Variants in RPGRIP1L observed in about 807,000 individuals in gnomAD.
The protein encoded by RPGRIP1L is protein fantom.
In RPGRIP1L, 131 loss-of-function variants were observed where a neutral mutation model predicts 160.4. The observed-to-expected ratio is 0.82, with a 90% CI of 0.71 to 0.94. RPGRIP1L has a LOEUF of 0.94. RPGRIP1L is among the 40% of genes least tolerant of loss of function. The probability of loss-of-function intolerance (pLI) is 0.00; values close to 1 mark genes in which losing one functional copy is unlikely to be tolerated. For synonymous variants in RPGRIP1L, 510 were observed against 515.8 expected (o/e 0.99, Z 0.15); for missense variants, 1,522 against 1,535.8 (o/e 0.99, Z 0.15).
intron 17 of RPGRIP1L, among the ~76,000 whole-genome samples, chr16:53,644,064 T>C (rs1966403803): frequency 1.3e-5 from 2 of 152,178 alleles, no homozygotes; most frequent in Admixed American, 1.3e-4. Flanking sequence ...TGCGGTAGCA[T>C]GTGCCTGTAG....
chr16:53,655,834 G>A (rs940312347), intron 14 of RPGRIP1L, among the ~76,000 whole-genome samples: 1 of 152,126 alleles, frequency 6.6e-6, no homozygotes, highest in Non-Finnish European at 1.5e-5. Flanking sequence ...TCAAGTAGAG[G>A]GATCGCTAGG....
intron 17 of RPGRIP1L, among the ~76,000 whole-genome samples, chr16:53,642,433 G>GAA (rs553105963): frequency 7.2e-6 from 1 of 139,122 alleles, no homozygotes. Flanking sequence ...TGGCTGGCTG[G>GAA]AAAAAAAAAA....
At chr16:53,604,538 T>C (rs746847997) in intron 26 of RPGRIP1L, among the ~76,000 whole-genome samples, 2 of 152,180 alleles carry the variant, frequency 1.3e-5, no homozygotes, top group African/African-American at 4.8e-5. Flanking sequence ...TTTAGCACGT[T>C]CTAAATACAG....
intron 9 of RPGRIP1L, among the ~76,000 whole-genome samples, chr16:53,667,639 G>A (rs1326826733): frequency 2.0e-5 from 3 of 152,098 alleles, no homozygotes; most frequent in African/African-American, 7.2e-5. Flanking sequence ...TTGGGAGGCC[G>A]AGGTGGGCAG....
intron 3 of RPGRIP1L, chr16:53,695,779 C>T (rs1480374923): frequency 5.9e-6 from 2 of 338,620 alleles, no homozygotes; most frequent in Non-Finnish European, 1.1e-5. Flanking sequence ...TGCATTCTAA[C>T]AAGTTAGAAT....
chr16:53,670,130 T>G (rs1968588097), intron 9 of RPGRIP1L, among the ~76,000 whole-genome samples: 1 of 152,120 alleles, frequency 6.6e-6, no homozygotes, highest in Non-Finnish European at 1.5e-5. Flanking sequence ...TAGTCCCAAG[T>G]AGGTAAATAA....
At chr16:53,690,817 G>T (rs1440799814) in intron 4 of RPGRIP1L, among the ~76,000 whole-genome samples, 1 of 152,124 alleles carries the variant, frequency 6.6e-6, no homozygotes, top group East Asian at 1.9e-4. Flanking sequence ...TATAGATGGG[G>T]AAAATGAGGC....
chr16:53,625,476 G>GGT (rs1172174960), intron 22 of RPGRIP1L, among the ~76,000 whole-genome samples: 2 of 58,622 alleles, frequency 3.4e-5, no homozygotes, highest in Non-Finnish European at 6.1e-5. Flanking sequence ...TCTGGGGGCT[G>GGT]GGGGGGGCGC....
chr16:53,652,903 T>A lies in RPGRIP1L; in HGVS notation c.1784A>T (p.Asp595Val). 1 of 1,613,056 alleles carries A rather than the reference T, an allele frequency of 6.2e-7. No homozygotes were observed. Among genetic ancestry groups the A allele is most frequent in the Admixed American group, 1.7e-5 (1 of 59,820 alleles). The change falls in exon 15 of 27, where the codon GAT (aspartate) becomes GTT (valine). Residue 595 changes from aspartate (D) to valine (V), a missense_variant. Asp to Val is a radical substitution (Grantham distance 152). Coordinates refer to ENST00000647211, the MANE Select transcript of RPGRIP1L (RefSeq NM_015272.5). ...GCCTCGTTCTAAGTGGATGGTTTCATCAAATTCATCAACAGAGTCATCTGG... is the reference window on the plus strand; with the variant it reads ...GCCTCGTTCTAAGTGGATGGTTTCAACAAATTCATCAACAGAGTCATCTGG... ...IMPDDSVDEF[D>V]ETIHLERGEN... is the part of the protein sequence containing the mutation.
intron 2 of RPGRIP1L, among the ~76,000 whole-genome samples, chr16:53,700,114 C>T (rs1001054723): frequency 1.3e-5 from 2 of 152,140 alleles, no homozygotes; most frequent in African/African-American, 4.8e-5. Flanking sequence ...TAAAGTAGTG[C>T]TTTTCTTTCT....
chr16:53,625,487 G>A lies in RPGRIP1L; in HGVS notation c.3295-3131C>T, dbSNP rs1965064738. 4.1e-5 allele frequency among the ~76,000 whole-genome samples: 6 copies of A among 146,576 alleles called. No homozygotes were observed. In the South Asian group the frequency reaches 1.1e-3, roughly 27 times the overall value. On this transcript the variant is annotated intron_variant, in intron 22 of 26. Transcript: ENST00000647211. ...CCCATCTGGGGGCTGGGGGGGGCGC[G>A]CCTCCGCCCAGCGGCCGCCCCGTCT...
At chr16:53,655,677 G>C (rs879712546) in intron 14 of RPGRIP1L, 4 of 152,170 alleles carry the variant, frequency 2.6e-5, no homozygotes, top group Non-Finnish European at 5.9e-5. Flanking sequence ...ACCTCCATCT[G>C]AATAGCTTGC....
Position 53,619,025 on chromosome 16 carries a change from C to A in RPGRIP1L, c.3616G>T (p.Val1206Leu), listed in dbSNP as rs1329201140. 3 of 1,608,180 alleles carry A rather than the reference C, an allele frequency of 1.9e-6. No individual in the cohort carries two copies. Among genetic ancestry groups the A allele is most frequent in the Non-Finnish European group, 1.7e-6 (2 of 1,174,768 alleles). ...TATATTACAAATGAATCATACATAC[C>A]ATTGCTATAGTTATAGTAGACCCAC... ...GQWVYYNYSNVIYVDKENNKA... is the reference protein window; with the variant it reads ...GQWVYYNYSNLIYVDKENNKA... Residue 1206 changes from valine (V) to leucine (L), a missense_variant and splice_region_variant, in exon 24 of 27, where the codon GTG becomes TTG. Val to Leu is a conservative substitution (Grantham distance 32). Transcript: ENST00000647211.
chr16:53,703,056 G>A (rs1971601312), intron 1 of RPGRIP1L, among the ~76,000 whole-genome samples: 1 of 152,112 alleles, frequency 6.6e-6, no homozygotes, highest in Admixed American at 6.5e-5. Flanking sequence ...CTGACTTCAG[G>A]CCAGGAGTTC....
Position 53,603,816 on chromosome 16 carries a change from T to G in RPGRIP1L, c.3836-1628A>C, listed in dbSNP as rs924542681. Reference sequence around the variant, plus strand: ...GAAAATGGCATGAGTGGTCCCCAGCTCATTCCCTGGAGCTGTCATCTCTGC... The same window carrying G: ...GAAAATGGCATGAGTGGTCCCCAGCGCATTCCCTGGAGCTGTCATCTCTGC... On this transcript the variant is annotated intron_variant, in intron 26 of 26. Transcript: ENST00000647211. Among the ~76,000 whole-genome samples, 4 of 152,238 alleles carry G rather than the reference T, an allele frequency of 2.6e-5. No homozygotes were observed. In the East Asian group the frequency reaches 7.7e-4, roughly 29 times the overall value.
chr16:53,646,821 A>C (rs1164371227), intron 16 of RPGRIP1L, among the ~76,000 whole-genome samples: 1 of 152,210 alleles, frequency 6.6e-6, no homozygotes, highest in Non-Finnish European at 1.5e-5. Flanking sequence ...CCCTGACTCC[A>C]TGAGAAGTTT....
intron 2 of RPGRIP1L, 126 bp from the exon 3 acceptor site, chr16:53,696,421 G>A (rs1970763670): frequency 2.2e-6 from 2 of 923,078 alleles, no homozygotes; most frequent in East Asian, 5.0e-5. Context: ...AGTTAAGATT[G>A]CTTTAGAAAA....
rs567633033 is a variant in RPGRIP1L at position 53,632,942 on chromosome 16, A to G, written c.3294+3497T>C. On this transcript the variant is annotated intron_variant, in intron 22 of 26. Transcript: ENST00000647211. ...GCATTCCATTCTCCTGGTGCAGACC[A>G]CTATGCATTTTAATTGTGTTTCCCC... Among the ~76,000 whole-genome samples, 136 of 152,250 alleles carry G rather than the reference A, an allele frequency of 8.9e-4. 1 individual carries two copies. The Middle Eastern group carries it at 0.031, about 34-fold the overall frequency.
chr16:53,623,262 G>A (rs1255385660), intron 22 of RPGRIP1L, among the ~76,000 whole-genome samples: 1 of 152,190 alleles, frequency 6.6e-6, no homozygotes, highest in Non-Finnish European at 1.5e-5. Context: ...AGATTTGAGA[G>A]CGAACTGGTA....
Sources: allele counts gnomAD v4.1 joint callset (sites outside exome capture counted in the v4.1 genomes callset), GRCh38; gene constraint gnomAD v4.1.1; transcripts MANE v1.5; gene names NCBI Gene and HGNC (gene_info 2026-07-23, HGNC 2026-07-21).